PRSS23: variants seen among roughly 807,000 people sequenced by gnomAD.
The protein encoded by PRSS23 is serine protease 23.
PRSS23 carries 25 observed loss-of-function variants against 34.7 expected under a neutral mutation model. The observed-to-expected ratio is 0.72, with a 90% CI of 0.53 to 1.01. The LOEUF (loss-of-function observed/expected upper bound fraction) is 1.01. PRSS23 is among the 50% of genes least tolerant of loss of function. The pLI is 0.00. For missense variants in PRSS23, 445 were observed against 475.6 expected (o/e 0.94, Z 0.60); for synonymous variants, 176 against 186.6 (o/e 0.94, Z 0.46).
At chr11:86,797,494 G>T (rs1352912723), upstream of PRSS23, among the ~76,000 whole-genome samples, 1 of 152,218 alleles carries the variant, frequency 6.6e-6, no homozygotes, top group Non-Finnish European at 1.5e-5. Context: ...TGTAGTTAAA[G>T]AGTCCTTCCT....
At chr11:86,879,712 G>A (rs1358897006) in intron 2 of PRSS23, among the ~76,000 whole-genome samples, 17 of 137,988 alleles carry the variant, frequency 1.2e-4, no homozygotes, top group Admixed American at 8.5e-4. Flanking sequence ...CGCCCCATCC[G>A]GGAGGGAGGT....
chr11:86,816,281 C>T (rs1948214790), intron 1 of PRSS23, among the ~76,000 whole-genome samples: 1 of 152,168 alleles, frequency 6.6e-6, no homozygotes, highest in Non-Finnish European at 1.5e-5. Context: ...ACTGTGTTCA[C>T]GCTGGGGCTG....
chr11:86,885,759 C>T (rs1948798469), intron 2 of PRSS23, among the ~76,000 whole-genome samples: 1 of 152,230 alleles, frequency 6.6e-6, no homozygotes, highest in African/African-American at 2.4e-5. Flanking sequence ...CTCTCCCTCT[C>T]TCTTTATAAA....
rs1204900277 is a variant in PRSS23, at chr11:86,911,545, G to A, written c.207-39671G>A. 6 of 152,140 alleles carry A rather than the reference G, an allele frequency of 3.9e-5. No individual in the cohort carries two copies. In the East Asian group the frequency reaches 1.2e-3, roughly 29 times the overall value. The allele number at this position is 152,140 out of a possible 1,614,324, so 9.4% of individuals were successfully genotyped here. A position where few individuals can be genotyped will look rare whatever the true frequency, so the allele number is the denominator to read the frequency against. ...TATGTGCATATGTACCCATTGATTA[G>A]CTTCCACTTATAATTGAGAACATGC... On this transcript the variant is annotated intron_variant, in intron 2 of 2. Transcript: ENST00000533902.
intron 2 of PRSS23, among the ~76,000 whole-genome samples, chr11:86,876,815 A>G (rs1471568181): frequency 2.2e-5 from 3 of 133,698 alleles, no homozygotes; most frequent in Non-Finnish European, 4.7e-5. Context: ...TTAAAAGCCT[A>G]ATTTCTAAGA....
At chr11:86,884,414 C>T (rs970461970) in intron 2 of PRSS23, among the ~76,000 whole-genome samples, 2 of 152,180 alleles carry the variant, frequency 1.3e-5, no homozygotes, top group Non-Finnish European at 2.9e-5. Context: ...ATTCTCCTGC[C>T]TCAGCCTCCC....
chr11:86,913,770 C>T (rs180869728), intron 2 of PRSS23, among the ~76,000 whole-genome samples: 2 of 151,530 alleles, frequency 1.3e-5, no homozygotes, highest in African/African-American at 4.9e-5. Context: ...AGGCAATGAT[C>T]TTGAGTGGTA....
intron 2 of PRSS23, among the ~76,000 whole-genome samples, chr11:86,856,115 A>T (rs540086937): frequency 6.6e-6 from 1 of 152,190 alleles, no homozygotes; most frequent in Non-Finnish European, 1.5e-5. Flanking sequence ...AACAGCAATC[A>T]ATGTGTGTAT....
intron 2 of PRSS23, among the ~76,000 whole-genome samples, chr11:86,848,891 C>G (rs772000350): frequency 6.6e-5 from 10 of 152,224 alleles, no homozygotes; most frequent in Non-Finnish European, 1.3e-4. Context: ...CCTAGTAGGG[C>G]TTGTTATCAG....
At chr11:86,887,277 T>C (rs1948808679) in intron 2 of PRSS23, among the ~76,000 whole-genome samples, 1 of 152,254 alleles carries the variant, frequency 6.6e-6, no homozygotes, top group Admixed American at 6.5e-5. Context: ...GACTGGGTTC[T>C]TGAGGCAATG....
intron 2 of PRSS23, among the ~76,000 whole-genome samples, chr11:86,919,063 G>T (rs1176141142): frequency 1.3e-5 from 2 of 152,268 alleles, no homozygotes; most frequent in East Asian, 3.9e-4. Flanking sequence ...CTGCCTCGCA[G>T]TTTCCAGACA....
chr11:86,926,532 G>T (rs1309333617), intron 2 of PRSS23, among the ~76,000 whole-genome samples: 1 of 152,162 alleles, frequency 6.6e-6, no homozygotes, highest in East Asian at 1.9e-4. Flanking sequence ...GAACTCAAGG[G>T]CGGGAAGTGT....
chr11:86,818,847 TAATCA>T (rs563149980), intron 1 of PRSS23, among the ~76,000 whole-genome samples: 1 of 152,350 alleles, frequency 6.6e-6, no homozygotes, highest in South Asian at 2.1e-4. Flanking sequence ...CGCTTAGTGT[TAATCA>T]ATACATGCCA....
At chr11:86,859,919 C>G (rs1443697403) in intron 2 of PRSS23, among the ~76,000 whole-genome samples, 4 of 151,978 alleles carry the variant, frequency 2.6e-5, no homozygotes, top group Non-Finnish European at 5.9e-5. Context: ...GGGTTATACA[C>G]ACCCCCGTGA....
intron 2 of PRSS23, among the ~76,000 whole-genome samples, chr11:86,868,134 G>A (rs1293798423): frequency 6.6e-6 from 1 of 152,144 alleles, no homozygotes; most frequent in Non-Finnish European, 1.5e-5. Context: ...AGACCACAAG[G>A]AGCTGTGGGA....
At chr11:86,927,956 T>C (rs1204902989) in intron 2 of PRSS23, among the ~76,000 whole-genome samples, 1 of 151,280 alleles carries the variant, frequency 6.6e-6, no homozygotes, top group African/African-American at 2.4e-5. Context: ...AAAAAAAAAG[T>C]ATACTGTACT....
intron 1 of PRSS23, among the ~76,000 whole-genome samples, chr11:86,803,096 G>A (rs1051635960): frequency 2.0e-5 from 3 of 152,134 alleles, no homozygotes; most frequent in African/African-American, 7.2e-5. Context: ...AATGATGCAC[G>A]GAAACACTTG....
At chr11:86,951,152 G>A in intron 2 of PRSS23, 15 of 1,614,000 alleles carry the variant, frequency 9.3e-6, no homozygotes, top group Non-Finnish European at 1.3e-5. Flanking sequence ...TTATACCACA[G>A]TCTCACTGCC....
intron 1 of PRSS23, chr11:86,821,356 T>A: frequency 3.5e-6 from 3 of 856,132 alleles, no homozygotes; most frequent in Non-Finnish European, 1.9e-6. Flanking sequence ...GGTATAGTGA[T>A]CCTAGTTTTG....
Sources: gnomAD v4.1 joint callset for allele counts (sites outside exome capture counted in the v4.1 genomes callset) on GRCh38, gnomAD v4.1.1 for gene constraint, MANE v1.5 for transcripts, NCBI Gene and HGNC (gene_info 2026-07-23, HGNC 2026-07-21) for gene names.